PJA2: variants seen among roughly 807,000 people sequenced by gnomAD.
The protein encoded by PJA2 is praja ring finger ubiquitin ligase 2.
PJA2 carries 25 observed loss-of-function variants against 69.3 expected under a neutral mutation model. The observed-to-expected ratio is 0.36, with a 90% CI of 0.26 to 0.50. The LOEUF is 0.50. Among genes scored for constraint, PJA2 ranks in the 20% least tolerant of loss-of-function variants. PJA2 has a pLI of 0.96. For synonymous variants in PJA2, 308 were observed against 277.8 expected, an observed-to-expected ratio of 1.11 and a Z score of -1.08; for missense variants, 809 against 830.2, an observed-to-expected ratio of 0.97 and a Z score of 0.31.
At chr5:109,340,502 T>A (rs977400620) in intron 9 of PJA2, among the ~76,000 whole-genome samples, 1 of 151,822 alleles carries the variant, frequency 6.6e-6, no homozygotes, top group African/African-American at 2.4e-5. Context: ...GACTTGGGAA[T>A]TCCTAGTGAA....
At chr5:109,338,633 T>C (rs1254812981) in intron 9 of PJA2, among the ~76,000 whole-genome samples, 6 of 91,004 alleles carry the variant, frequency 6.6e-5, no homozygotes, top group African/African-American at 3.1e-4. Context: ...TGAAACTCCG[T>C]CTCAAAAAAA....
chr5:109,356,025 G>T lies in PJA2; in HGVS notation c.1654C>A (p.Leu552Ile). Residue 552 changes from leucine to isoleucine, a missense_variant and splice_region_variant, in exon 7 of 10, where the codon CTA (leucine) becomes ATA (isoleucine). Coordinates refer to ENST00000361189, the MANE Select transcript of PJA2 (RefSeq NM_014819.5). ...AGTCCATCTGCAAAGCCATCAAATA[G>T]GCTGAAAAAAAAAAAAAATAACAGA... ...VSEDLDVDWS[L>I]FDGFADGLGV... 6.3e-7 allele frequency: 1 copy of T among 1,594,410 alleles called. No individual in the cohort carries two copies.
rs1389804029 is a variant in PJA2 at position 109,362,761 on chromosome 5, A to G, written c.1652+79T>C. 11 of 1,347,700 alleles carry G rather than the reference A, an allele frequency of 8.2e-6. No individual in the cohort carries two copies. In the Admixed American group the frequency reaches 8.6e-5, roughly 10 times the overall value. 83.5% of individuals were successfully genotyped at this position (1,347,700 alleles called of 1,614,324 possible). On this transcript the variant is annotated intron_variant, in intron 6 of 9. Transcript: ENST00000361189. ...GGGAAAATTATAATATTTCTCAGCT[A>G]GCAGAGATTTAATTTTCATAAATTA...
chr5:109,404,251 T>C (rs945964980), intron 1 of PJA2, among the ~76,000 whole-genome samples: 2 of 150,796 alleles, frequency 1.3e-5, no homozygotes, highest in Admixed American at 1.3e-4. Flanking sequence ...CTGGGCGCGG[T>C]GGCTCACACC....
In PJA2 at chr5:109,379,179, G is replaced by C; in HGVS notation, c.308C>G (p.Pro103Arg). The C allele has an allele frequency of 1.9e-6, 3 of 1,613,896 alleles. No homozygotes were observed. Among genetic ancestry groups the C allele is most frequent in the Non-Finnish European group, 2.5e-6 (3 of 1,179,964 alleles). Residue 103 changes from proline to arginine, a missense_variant, in exon 4 of 10, where the codon CCC becomes CGC. This residue lies in a region of PJA2 where 700 missense variants were observed against 639.5 expected (regional missense o/e 1.09). Transcript: ENST00000361189. ...TTGATTCAATGCTGAACCACAAGTG[G>C]GAATTTCTGTTTCACTTTTTTCAAA... Reference protein sequence around the residue: ...PIFEKSETEIPTCGSALNQTT... With the variant: ...PIFEKSETEIRTCGSALNQTT...
rs531792166 is a variant in PJA2, at chr5:109,403,476, CT to C, written c.-88+6365del. Among the ~76,000 whole-genome samples, 328 of 151,564 alleles carry C rather than the reference CT, an allele frequency of 2.2e-3. 1 individual carries two copies. The highest frequency in any genetic ancestry group is 7.6e-3 in the African/African-American group (315 of 41,346). On this transcript the variant is annotated intron_variant, in intron 1 of 9. Transcript: ENST00000361189. ...CAAATAATACTAATCCTAATAAATTCTTTTTCAAAAATATAAGAAACACTTT... is the reference window on the plus strand; with the variant it reads ...CAAATAATACTAATCCTAATAAATTCTTTTCAAAAATATAAGAAACACTTT...
At chr5:109,358,258 C>A (rs762630395) in intron 6 of PJA2, among the ~76,000 whole-genome samples, 3 of 152,226 alleles carry the variant, frequency 2.0e-5, no homozygotes, top group Non-Finnish European at 2.9e-5. Flanking sequence ...AAACCACAAA[C>A]AATAGCACGT....
In PJA2 at chr5:109,406,751, G is replaced by A. The variant is rs925495057; in HGVS notation, c.-88+3091C>T. The stretch of plus-strand genomic sequence containing the variant: ...ATAAAGGAATGTTCAACAAATGAAG[G>A]CTATTTATTAATAACAGCCCCAAAC... On this transcript the variant is annotated intron_variant, in intron 1 of 9. Coordinates refer to ENST00000361189, the MANE Select transcript of PJA2 (RefSeq NM_014819.5). Among the ~76,000 whole-genome samples the A allele has an allele frequency of 2.6e-5, 4 of 152,152 alleles. No individual in the cohort carries two copies. The East Asian group carries it at 7.7e-4, about 29-fold the overall frequency.
At chr5:109,401,744 T>A (rs1392226702) in intron 1 of PJA2, among the ~76,000 whole-genome samples, 3 of 152,182 alleles carry the variant, frequency 2.0e-5, no homozygotes, top group Non-Finnish European at 4.4e-5. Flanking sequence ...TGAAAGGAAG[T>A]TCTTCATGCA....
At chr5:109,344,922 T>G in intron 7 of PJA2, 103 bp from the exon 8 acceptor site, 2 of 701,620 alleles carry the variant, frequency 2.9e-6, no homozygotes, top group Non-Finnish European at 2.4e-6. Context: ...TATTCTCTTT[T>G]TGTTAGTTTC....
chr5:109,387,615 C>T (rs116118843), intron 1 of PJA2, among the ~76,000 whole-genome samples: 4,628 of 152,206 alleles, frequency 0.03, 93 homozygotes, highest in Middle Eastern at 0.048. Flanking sequence ...AATATATAAA[C>T]GTGTTGCTAA....
chr5:109,359,455 C>G (rs1762475700), intron 6 of PJA2, among the ~76,000 whole-genome samples: 1 of 152,060 alleles, frequency 6.6e-6, no homozygotes, highest in African/African-American at 2.4e-5. Context: ...ACACCATAAC[C>G]AAATCAAATT....
intron 7 of PJA2, among the ~76,000 whole-genome samples, chr5:109,345,197 A>T (rs1016320542): frequency 6.6e-6 from 1 of 151,590 alleles, no homozygotes; most frequent in African/African-American, 2.4e-5. Flanking sequence ...AAAAAAAAAA[A>T]AAAACAAAAT....
chr5:109,393,986 CA>C (rs1163225418), intron 1 of PJA2, among the ~76,000 whole-genome samples: 1 of 138,692 alleles, frequency 7.2e-6, no homozygotes, highest in African/African-American at 2.6e-5. Context: ...ATGCTGAAGA[CA>C]AAAAGAATAA....
intron 9 of PJA2, among the ~76,000 whole-genome samples, chr5:109,339,136 A>G (rs1761996694): frequency 6.6e-6 from 1 of 152,214 alleles, no homozygotes; most frequent in South Asian, 2.1e-4. Flanking sequence ...AAATCACAGA[A>G]GGCCTTGAAT....
At chr5:109,396,565 T>TA (rs1422654822) in intron 1 of PJA2, among the ~76,000 whole-genome samples, 19 of 151,442 alleles carry the variant, frequency 1.3e-4, no homozygotes, top group Admixed American at 4.6e-4. Flanking sequence ...TAGCTGGGAT[T>TA]ACAGGCATGC....
chr5:109,367,597 A>G (rs947018444), intron 5 of PJA2, among the ~76,000 whole-genome samples: 8 of 152,190 alleles, frequency 5.3e-5, no homozygotes, highest in African/African-American at 1.7e-4. Flanking sequence ...GAAAAAGAAT[A>G]CACATCTTTT....
chr5:109,356,305 G>C (rs1442536269), intron 6 of PJA2, among the ~76,000 whole-genome samples: 1 of 152,250 alleles, frequency 6.6e-6, no homozygotes, highest in East Asian at 1.9e-4. Context: ...TGTGTTTCTA[G>C]CTCTAACTCT....
At chr5:109,373,494 C>T (rs922113000) in intron 4 of PJA2, among the ~76,000 whole-genome samples, 3 of 151,796 alleles carry the variant, frequency 2.0e-5, no homozygotes, top group South Asian at 2.1e-4. Flanking sequence ...AAATAAGAAA[C>T]GAAGCTAACC....
Sources: gnomAD v4.1 joint callset for allele counts (sites outside exome capture counted in the v4.1 genomes callset) on GRCh38, gnomAD v4.1.1 for gene constraint, gnomAD v4.1.1 regional missense constraint, MANE v1.5 for transcripts, NCBI Gene and HGNC (gene_info 2026-07-23, HGNC 2026-07-21) for gene names.